CENPC: variants seen among roughly 807,000 people sequenced by gnomAD.
CENPC encodes CENP-C 1.
CENPC carries 63 observed loss-of-function variants against 112.1 expected under a neutral mutation model. That is an observed-to-expected ratio of 0.56 (90% CI 0.46 to 0.69). CENPC has a LOEUF of 0.69. CENPC is among the 30% of genes least tolerant of loss of function. The pLI is 0.00. For missense variants in CENPC, 1,000 were observed against 1,103.8 expected (o/e 0.91, Z 1.33); for synonymous variants, 333 against 367.6 (o/e 0.91, Z 1.08).
chr4:67,499,440 G>A (rs545261784), intron 12 of CENPC, among the ~76,000 whole-genome samples: 3 of 152,294 alleles, frequency 2.0e-5, no homozygotes, highest in Admixed American at 6.5e-5. Context: ...GCTTCACCTT[G>A]CTCTTTTATG....
At chr4:67,498,729 C>T (rs1725508776) in intron 12 of CENPC, among the ~76,000 whole-genome samples, 1 of 152,174 alleles carries the variant, frequency 6.6e-6, no homozygotes, top group African/African-American at 2.4e-5. Flanking sequence ...CAGTTACTTC[C>T]TCCATTGAAG....
rs978035127 is a variant in CENPC, at chr4:67,489,972, T to C, written c.2665A>G (p.Ile889Val). Reference sequence around the variant, plus strand: ...TATATAAAAAAAGTACTCACCAATATATCCTGGCCAACATGCTGCTTTCCC... The same window carrying C: ...TATATAAAAAAAGTACTCACCAATACATCCTGGCCAACATGCTGCTTTCCC... Reference protein sequence around the residue: ...EKGKQHVGQDILVFYVNFGDL... With the variant: ...EKGKQHVGQDVLVFYVNFGDL... The change falls in exon 17 of 19, where the codon ATA becomes GTA. Residue 889 changes from isoleucine (I) to valine (V), a missense_variant. Coordinates refer to ENST00000273853, the MANE Select transcript of CENPC (RefSeq NM_001812.4). 10 of 1,564,678 alleles carry C rather than the reference T, an allele frequency of 6.4e-6. No homozygotes were observed. The highest frequency in any genetic ancestry group is 8.6e-6 in the Non-Finnish European group (10 of 1,157,640).
intron 9 of CENPC, among the ~76,000 whole-genome samples, chr4:67,509,461 G>A (rs971105810): frequency 1.3e-5 from 2 of 151,980 alleles, no homozygotes; most frequent in South Asian, 2.1e-4. Flanking sequence ...TTTCATTGAC[G>A]GACTTATCTA....
chr4:67,472,007 A>G lies in CENPC; in HGVS notation c.*598T>C, dbSNP rs1724672464. The G allele has an allele frequency of 6.6e-6, 1 of 152,254 alleles. No homozygotes were observed. Among genetic ancestry groups the G allele is most frequent in the African/African-American group, 2.4e-5 (1 of 41,456 alleles). 9.4% of individuals were successfully genotyped at this position (152,254 alleles called of 1,614,324 possible). ...GATTGAAATGCTACCGGTGCAAGCC[A>G]AGGAATGCCAGAAATTGCCAGTAAA... is the stretch of plus-strand genomic sequence containing the variant. On this transcript the variant is annotated 3_prime_UTR_variant, in exon 19 of 19. Coordinates refer to ENST00000273853, the MANE Select transcript of CENPC (RefSeq NM_001812.4).
chr4:67,481,039 G>A (rs1053923756), intron 17 of CENPC, among the ~76,000 whole-genome samples: 9 of 152,158 alleles, frequency 5.9e-5, no homozygotes, highest in African/African-American at 1.4e-4. Context: ...CATATAGCTA[G>A]AAAACCCTAG....
At chr4:67,504,172 GC>G (rs1577986067) in intron 12 of CENPC, among the ~76,000 whole-genome samples, 1 of 149,154 alleles carries the variant, frequency 6.7e-6, no homozygotes, top group East Asian at 2.0e-4. Context: ...TGGAGACCAA[GC>G]TCTTAACTAA....
chr4:67,489,715 T>C (rs2109773540), intron 17 of CENPC, among the ~76,000 whole-genome samples: 1 of 152,240 alleles, frequency 6.6e-6, no homozygotes, highest in African/African-American at 2.4e-5. Context: ...AACCTATATT[T>C]AAGATGTTTT....
intron 5 of CENPC, among the ~76,000 whole-genome samples, chr4:67,521,256 TCA>T (rs1355516779): frequency 7.4e-6 from 1 of 135,812 alleles, no homozygotes; most frequent in Non-Finnish European, 1.6e-5. Flanking sequence ...ATGAGATGAA[TCA>T]GATTTTAAAA....
At chr4:67,481,867 C>T (rs1368789040) in intron 17 of CENPC, among the ~76,000 whole-genome samples, 1 of 152,008 alleles carries the variant, frequency 6.6e-6, no homozygotes, top group African/African-American at 2.4e-5. Context: ...ACCAAGAATC[C>T]AAAAGCAAAC....
At chr4:67,511,557 T>C (rs2109801192) in intron 9 of CENPC, among the ~76,000 whole-genome samples, 1 of 152,302 alleles carries the variant, frequency 6.6e-6, no homozygotes, top group Admixed American at 6.5e-5. Context: ...TAAACTTAAA[T>C]TTCAGGATTG....
chr4:67,512,478 T>A lies in CENPC; in HGVS notation c.1536A>T (p.Glu512Asp). 6.3e-7 allele frequency: 1 copy of A among 1,596,100 alleles called. No homozygotes were observed. The highest frequency in any genetic ancestry group is 8.5e-7 in the Non-Finnish European group (1 of 1,172,098). The stretch of plus-strand genomic sequence containing the variant: ...GACTTTTCGTGACAGTTGAAGTCAC[T>A]TCTTCAGGTACAAGTTTGTTCTTGG... ...SESKNKLVPE[E>D]VTSTVTKSRR... Residue 512 changes from glutamate (E) to aspartate (D), a missense_variant, in exon 9 of 19, where the codon GAA (glutamate) becomes GAT (aspartate). Physicochemically the swap from Glu to Asp is conservative, Grantham distance 45. Coordinates refer to ENST00000273853, the MANE Select transcript of CENPC (RefSeq NM_001812.4).
chr4:67,504,826 A>C (rs1725690057), intron 12 of CENPC, among the ~76,000 whole-genome samples: 1 of 146,464 alleles, frequency 6.8e-6, no homozygotes, highest in African/African-American at 2.5e-5. Flanking sequence ...CGTCTCAAAC[A>C]AAAAAAAAAA....
At chr4:67,482,317 G>A (rs1724978732) in intron 17 of CENPC, among the ~76,000 whole-genome samples, 1 of 152,214 alleles carries the variant, frequency 6.6e-6, no homozygotes, top group Admixed American at 6.5e-5. Context: ...TGGTGGGAAT[G>A]TAAACTAGTA....
At chr4:67,495,807 T>C (rs971685498) in intron 12 of CENPC, among the ~76,000 whole-genome samples, 19 of 152,198 alleles carry the variant, frequency 1.2e-4, no homozygotes, top group African/African-American at 4.3e-4. Flanking sequence ...ATAGTGTAAG[T>C]GTACTGAATT....
chr4:67,477,190 T>A (rs1340628603), intron 17 of CENPC, among the ~76,000 whole-genome samples: 1 of 152,180 alleles, frequency 6.6e-6, no homozygotes, highest in Non-Finnish European at 1.5e-5. Flanking sequence ...AGATGCTCTC[T>A]TGAAAGTACC....
chr4:67,516,666 C>G (rs921338893), intron 7 of CENPC, among the ~76,000 whole-genome samples: 1 of 151,830 alleles, frequency 6.6e-6, no homozygotes, highest in East Asian at 1.9e-4. Flanking sequence ...AAAGTCAATA[C>G]AAATACTACA....
chr4:67,534,964 A>G (rs1298013135), intron 4 of CENPC, among the ~76,000 whole-genome samples: 4 of 152,174 alleles, frequency 2.6e-5, no homozygotes, highest in African/African-American at 7.2e-5. Context: ...GGAATATAAT[A>G]AAAATTTAGA....
intron 3 of CENPC, 57 bp downstream of exon 3, chr4:67,540,923 C>A (rs1470940370): frequency 1.7e-6 from 2 of 1,166,172 alleles, no homozygotes; most frequent in African/African-American, 3.0e-5. Flanking sequence ...ATTACCATGA[C>A]AAATTCATAT....
rs1180548510 is a variant in CENPC, at chr4:67,515,239, G to A, written c.831-552C>T. Among the ~76,000 whole-genome samples, 19 of 150,114 alleles carry A rather than the reference G, an allele frequency of 1.3e-4. 1 individual carries two copies. The highest frequency in any genetic ancestry group is 4.8e-4 in the African/African-American group (19 of 39,636). The stretch of plus-strand genomic sequence containing the variant: ...CCAGCACTTTGGGAGGCTGAGGCAG[G>A]TGGATCACTTGAGGTCAGGAGTTCA... On this transcript the variant is annotated intron_variant, in intron 7 of 18. Transcript: ENST00000273853.
Sources: gnomAD v4.1 joint callset for allele counts (sites outside exome capture counted in the v4.1 genomes callset) on GRCh38, gnomAD v4.1.1 for gene constraint, MANE v1.5 for transcripts, NCBI Gene and HGNC (gene_info 2026-07-23, HGNC 2026-07-21) for gene names.